Variants in RNLS observed in about 807,000 individuals in gnomAD.
The protein encoded by RNLS is renalase, FAD dependent amine oxidase, also known as renalase.
Under a neutral mutation model 39.8 loss-of-function variants are expected in RNLS, and 39 were observed. The ratio of observed to expected loss-of-function variants is 0.98; its 90% CI spans 0.76 to 1.28. The LOEUF (loss-of-function observed/expected upper bound fraction) is 1.28, where lower values mean the gene tolerates loss of function less well. Ranked by LOEUF, RNLS falls within the 50% of genes most tolerant of loss-of-function variation. The pLI is 0.00. For missense variants in RNLS, 410 were observed against 413.3 expected, an observed-to-expected ratio of 0.99 and a Z score of 0.07; for synonymous variants, 147 against 150.7, an observed-to-expected ratio of 0.98 and a Z score of 0.18.
chr10:88,217,302 C>T, the RNLS span, among the ~76,000 whole-genome samples: 1 of 152,174 alleles, frequency 6.6e-6, no homozygotes, highest in Admixed American at 6.5e-5. Context: ...AATTAGAGGT[C>T]TTCTGAAAGG....
At chr10:88,182,671 G>A in the RNLS span, among the ~76,000 whole-genome samples, 4 of 151,874 alleles carry the variant, frequency 2.6e-5, no homozygotes, top group African/African-American at 7.3e-5. Context: ...CTCTCTCCAT[G>A]TATTTGTGTA....
intron 4 of RNLS, among the ~76,000 whole-genome samples, chr10:88,415,030 G>A (rs1030341604): frequency 1.1e-4 from 16 of 152,076 alleles, no homozygotes; most frequent in African/African-American, 2.7e-4. Flanking sequence ...GAAAGAAAGC[G>A]CACAGATACT....
At chr10:88,203,267 TGTATATATATATATATATATATAC>T in the RNLS span, among the ~76,000 whole-genome samples, 46 of 9,332 alleles carry the variant, frequency 4.9e-3, 14 homozygotes, top group Middle Eastern at 0.05. Context: ...TGTGTGTGTA[TGTATATATATATATATATATATAC>T]GTATGTATAT....
At chr10:88,187,187 AATATATATAATATATATATAAT>A in the RNLS span, among the ~76,000 whole-genome samples, 1 of 9,562 alleles carries the variant, frequency 1.0e-4, no homozygotes, top group East Asian at 2.2e-3. Flanking sequence ...TAATATATAT[AATATATATAATATATATATAAT>A]ATATATATAT....
chr10:88,329,050 G>A (rs1272961809), intron 5 of RNLS, among the ~76,000 whole-genome samples: 2 of 151,302 alleles, frequency 1.3e-5, no homozygotes, highest in Non-Finnish European at 2.9e-5. Context: ...AGCTTCTTTT[G>A]AGACTGTTAG....
chr10:88,285,590 C>T lies in RNLS; in HGVS notation c.877-84G>A, dbSNP rs531326348. 232 of 1,169,800 alleles carry T rather than the reference C, an allele frequency of 2.0e-4. 1 individual carries two copies. In the Admixed American group the frequency reaches 4.6e-3, roughly 23 times the overall value. The allele number at this position is 1,169,800 out of a possible 1,614,324, so 72.5% of individuals were successfully genotyped here. A position where few individuals can be genotyped will look rare whatever the true frequency, so the allele number is the denominator to read the frequency against. On this transcript the variant is annotated intron_variant, in intron 6 of 6. Transcript: ENST00000331772. ...CAACACCCACCTGGAAAAGGTTAGTCTACCTGGAGAAATCAAGATTTCTCA... is the reference window on the plus strand; with the variant it reads ...CAACACCCACCTGGAAAAGGTTAGTTTACCTGGAGAAATCAAGATTTCTCA...
At chr10:88,245,630 C>CTTTTTCTTTTCATTTT in the RNLS span, among the ~76,000 whole-genome samples, 6 of 152,196 alleles carry the variant, frequency 3.9e-5, no homozygotes, top group Non-Finnish European at 8.8e-5. Context: ...ATTTTCTTTT[C>CTTTTTCTTTTCATTTT]TTTTTCTTTT....
chr10:88,541,269 G>A (rs1204504391), intron 4 of RNLS, among the ~76,000 whole-genome samples: 3 of 152,070 alleles, frequency 2.0e-5, no homozygotes, highest in South Asian at 4.1e-4. Context: ...TTTAGATAAC[G>A]ATCGAAAGGA....
chr10:88,315,805 A>T (rs1429331670), intron 5 of RNLS, among the ~76,000 whole-genome samples: 1 of 149,776 alleles, frequency 6.7e-6, no homozygotes, highest in African/African-American at 2.5e-5. Context: ...AGAATAAGTT[A>T]GTAGCCACCA....
intron 4 of RNLS, among the ~76,000 whole-genome samples, chr10:88,546,535 T>C (rs891236668): frequency 6.6e-6 from 1 of 152,184 alleles, no homozygotes; most frequent in African/African-American, 2.4e-5. Context: ...TGCTTATTGC[T>C]AATAGACATT....
the RNLS span, among the ~76,000 whole-genome samples, chr10:88,251,282 A>T: frequency 6.6e-6 from 1 of 152,350 alleles, no homozygotes; most frequent in East Asian, 1.9e-4. Context: ...AGCATCCTGC[A>T]CACAATGCCT....
the RNLS span, among the ~76,000 whole-genome samples, chr10:88,204,662 T>G: frequency 6.6e-6 from 1 of 152,282 alleles, no homozygotes; most frequent in South Asian, 2.1e-4. Flanking sequence ...TATTATCTTC[T>G]CCCCGTACAT....
At chr10:88,340,743 AT>A (rs2133217864) in intron 5 of RNLS, among the ~76,000 whole-genome samples, 1 of 152,278 alleles carries the variant, frequency 6.6e-6, no homozygotes, top group South Asian at 2.1e-4. Context: ...GCAGGAATAT[AT>A]TTTAATATTC....
chr10:88,408,733 T>C (rs1267043201), intron 4 of RNLS, among the ~76,000 whole-genome samples: 1 of 152,140 alleles, frequency 6.6e-6, no homozygotes, highest in East Asian at 1.9e-4. Flanking sequence ...GCATAATTTT[T>C]AGTAAATTAT....
intron 4 of RNLS, among the ~76,000 whole-genome samples, chr10:88,544,847 A>G (rs991511183): frequency 6.6e-6 from 1 of 152,188 alleles, no homozygotes; most frequent in Non-Finnish European, 1.5e-5. Flanking sequence ...ATGCTTTCAT[A>G]TAGCAGATAA....
At chr10:88,487,354 A>G (rs1288244269) in intron 4 of RNLS, among the ~76,000 whole-genome samples, 1 of 151,970 alleles carries the variant, frequency 6.6e-6, no homozygotes, top group African/African-American at 2.4e-5. Context: ...CATCTTTGAA[A>G]AAGAAAAAAA....
At chr10:88,212,361 G>A in the RNLS span, among the ~76,000 whole-genome samples, 1 of 152,104 alleles carries the variant, frequency 6.6e-6, no homozygotes, top group African/African-American at 2.4e-5. Context: ...TTTGTCCTGT[G>A]TGTATGTAAT....
At chr10:88,465,574 C>T (rs892089517) in intron 4 of RNLS, among the ~76,000 whole-genome samples, 1 of 151,946 alleles carries the variant, frequency 6.6e-6, no homozygotes, top group Non-Finnish European at 1.5e-5. Flanking sequence ...GATGGTCAGG[C>T]ATTATTCCCT....
chr10:88,479,559 TATC>T lies in RNLS; in HGVS notation c.526+93341_526+93343del, dbSNP rs144311412. On this transcript the variant is annotated intron_variant, in intron 4 of 6. Coordinates refer to ENST00000331772, the MANE Select transcript of RNLS (RefSeq NM_001031709.3). ...TTAGTGTCAATTTTAGAAATATCAG[TATC>T]ATCATCATCATCATCATCATTGGAT... Among the ~76,000 whole-genome samples the T allele has an allele frequency of 8.5e-3, 1,297 of 151,828 alleles. 17 individuals carry two copies. The highest frequency in any genetic ancestry group is 0.033 in the East Asian group (173 of 5,176).
Sources: gnomAD v4.1 joint callset for allele counts (sites outside exome capture counted in the v4.1 genomes callset) on GRCh38, gnomAD v4.1.1 for gene constraint, MANE v1.5 for transcripts, NCBI Gene and HGNC (gene_info 2026-07-23, HGNC 2026-07-21) for gene names.